Variants in ADAMTS17 observed in about 807,000 individuals in gnomAD.
ADAMTS17 encodes the protein A disintegrin and metalloproteinase with thrombospondin motifs 17.
A neutral mutation model predicts 141.5 loss-of-function variants in ADAMTS17; 113 were observed. That is an observed-to-expected ratio of 0.80 (90% CI 0.69 to 0.93). ADAMTS17 has a LOEUF of 0.93. Ranked by LOEUF, ADAMTS17 falls within the 40% of genes least tolerant of loss-of-function variation. The probability of loss-of-function intolerance (pLI) is 0.00; values close to 1 mark genes in which losing one functional copy is unlikely to be tolerated. For synonymous variants in ADAMTS17, 768 were observed against 630.6 expected, an observed-to-expected ratio of 1.22 and a Z score of -3.27; for missense variants, 1,659 against 1,517.9, an observed-to-expected ratio of 1.09 and a Z score of -1.54.
At chr15:100,194,060 T>A (rs1303948145) in intron 8 of ADAMTS17, among the ~76,000 whole-genome samples, 2 of 152,230 alleles carry the variant, frequency 1.3e-5, no homozygotes, top group Admixed American at 6.5e-5. Context: ...TTTTCTGCAA[T>A]GAGAAACCTT....
chr15:100,065,531 T>G (rs1308669598), intron 15 of ADAMTS17, among the ~76,000 whole-genome samples: 1 of 152,228 alleles, frequency 6.6e-6, no homozygotes, highest in Non-Finnish European at 1.5e-5. Flanking sequence ...GCCTTTAGTT[T>G]CTTCTTTCAC....
intron 3 of ADAMTS17, among the ~76,000 whole-genome samples, chr15:100,321,246 T>G (rs1302778593): frequency 6.6e-6 from 1 of 152,128 alleles, no homozygotes; most frequent in Non-Finnish European, 1.5e-5. Flanking sequence ...GGGGAAATTT[T>G]TTTTAAAAGT....
chr15:100,173,361 G>A (rs1478856787), intron 8 of ADAMTS17, among the ~76,000 whole-genome samples: 2 of 152,102 alleles, frequency 1.3e-5, no homozygotes, highest in Non-Finnish European at 2.9e-5. Context: ...TGCCTTGAGA[G>A]AGAACAGTCG....
chr15:100,255,993 T>A (rs1439936927), intron 6 of ADAMTS17, among the ~76,000 whole-genome samples: 3 of 152,156 alleles, frequency 2.0e-5, no homozygotes, highest in Non-Finnish European at 2.9e-5. Context: ...CTTGAAAAGG[T>A]CAGCCGAATC....
At chr15:100,079,713 C>T (rs1286683304) in intron 15 of ADAMTS17, among the ~76,000 whole-genome samples, 1 of 152,164 alleles carries the variant, frequency 6.6e-6, no homozygotes, top group Non-Finnish European at 1.5e-5. Context: ...TAGACACTTA[C>T]TCCGGATATG....
intron 13 of ADAMTS17, among the ~76,000 whole-genome samples, chr15:100,114,398 G>A (rs893596030): frequency 2.4e-4 from 36 of 152,018 alleles, no homozygotes; most frequent in Admixed American, 6.6e-5. Context: ...CTTATAATCC[G>A]TATTCCCCTC....
At chr15:100,155,041 G>T (rs8034774) in intron 9 of ADAMTS17, 139 bp downstream of exon 9, 1 of 1,270,604 alleles carries the variant, frequency 7.9e-7, no homozygotes, top group Non-Finnish European at 1.1e-6. Context: ...GACACTCTGC[G>T]CTGACCGCCT....
intron 7 of ADAMTS17, among the ~76,000 whole-genome samples, chr15:100,225,539 C>T (rs975404045): frequency 3.3e-5 from 5 of 151,002 alleles, no homozygotes; most frequent in Non-Finnish European, 7.4e-5. Flanking sequence ...CCATGCAGTC[C>T]TTATAGCAGT....
intron 7 of ADAMTS17, among the ~76,000 whole-genome samples, chr15:100,235,468 G>C (rs965833351): frequency 2.0e-5 from 3 of 152,092 alleles, no homozygotes; most frequent in Non-Finnish European, 4.4e-5. Context: ...TCCTGTCTCA[G>C]GTGCTGCCCA....
intron 8 of ADAMTS17, among the ~76,000 whole-genome samples, chr15:100,186,076 G>T (rs2040705684): frequency 6.6e-6 from 1 of 152,172 alleles, no homozygotes; most frequent in South Asian, 2.1e-4. Context: ...GGGAAGGCCT[G>T]TGAGTTGCGA....
intron 3 of ADAMTS17, among the ~76,000 whole-genome samples, chr15:100,292,135 TGGG>T (rs2044649836): frequency 1.3e-5 from 2 of 150,910 alleles, no homozygotes; most frequent in East Asian, 2.0e-4. Flanking sequence ...GCTCAGCCCG[TGGG>T]GAGTCACGAG....
intron 4 of ADAMTS17, among the ~76,000 whole-genome samples, chr15:100,270,805 G>C: frequency 1.8e-5 from 1 of 54,844 alleles, no homozygotes; most frequent in Non-Finnish European, 3.9e-5. Context: ...ACAATTAAGT[G>C]ACATTAAATA....
intron 7 of ADAMTS17, among the ~76,000 whole-genome samples, chr15:100,208,526 G>C (rs1357559326): frequency 6.6e-6 from 1 of 152,142 alleles, no homozygotes; most frequent in Non-Finnish European, 1.5e-5. Flanking sequence ...CAAAAAGTCA[G>C]GTCAGTGTTA....
intron 11 of ADAMTS17, among the ~76,000 whole-genome samples, chr15:100,132,854 G>A (rs1483809679): frequency 1.3e-5 from 2 of 152,186 alleles, no homozygotes; most frequent in African/African-American, 2.4e-5. Flanking sequence ...GCTAGAATTG[G>A]ATAATACTGT....
At chr15:100,106,473 G>T (rs73476482) in intron 14 of ADAMTS17, among the ~76,000 whole-genome samples, 3,476 of 152,276 alleles carry the variant, frequency 0.023, 113 homozygotes, top group African/African-American at 0.077. Flanking sequence ...AGGTTTCATT[G>T]TCATAGTATG....
At chr15:100,142,020 C>T (rs974993909) in intron 10 of ADAMTS17, among the ~76,000 whole-genome samples, 2 of 152,206 alleles carry the variant, frequency 1.3e-5, no homozygotes, top group Admixed American at 1.3e-4. Context: ...TTTAGATGAG[C>T]AGTTTCCTAA....
chr15:100,281,755 C>A (rs1424287423), intron 3 of ADAMTS17, among the ~76,000 whole-genome samples: 4 of 152,064 alleles, frequency 2.6e-5, no homozygotes, highest in African/African-American at 9.7e-5. Flanking sequence ...CTGGACCCAG[C>A]GGGCAGGGGT....
intron 8 of ADAMTS17, among the ~76,000 whole-genome samples, chr15:100,187,449 G>C (rs1191192297): frequency 6.6e-6 from 1 of 152,174 alleles, no homozygotes; most frequent in Non-Finnish European, 1.5e-5. Flanking sequence ...ACTAATGCCA[G>C]GCAGGTACCA....
intron 12 of ADAMTS17, among the ~76,000 whole-genome samples, chr15:100,130,911 G>A (rs1486818799): frequency 3.3e-5 from 5 of 152,190 alleles, no homozygotes; most frequent in South Asian, 2.1e-4. Flanking sequence ...AAAGACACAC[G>A]CAGCCATATG....
Sources: allele counts gnomAD v4.1 joint callset (sites outside exome capture counted in the v4.1 genomes callset), GRCh38; gene constraint gnomAD v4.1.1; transcripts MANE v1.5; gene names NCBI Gene and HGNC (gene_info 2026-07-23, HGNC 2026-07-21).